The following AQR variants were observed in gnomAD, a reference collection of about 807,000 sequenced individuals.
AQR encodes the protein RNA helicase aquarius.
Under a neutral mutation model 180.5 loss-of-function variants are expected in AQR, and 61 were observed. That is an observed-to-expected ratio of 0.34 (90% CI 0.28 to 0.42). The LOEUF (loss-of-function observed/expected upper bound fraction) is 0.42. Ranked by LOEUF, AQR falls within the 10% of genes least tolerant of loss-of-function variation. AQR has a pLI of 1.00. For missense variants in AQR, 1,281 were observed against 1,798.3 expected (o/e 0.71, Z 5.20); for synonymous variants, 551 against 588.8 (o/e 0.94, Z 0.93).
chr15:34,942,339 C>T (rs1394968281), intron 6 of AQR, among the ~76,000 whole-genome samples: 1 of 152,238 alleles, frequency 6.6e-6, no homozygotes, highest in African/African-American at 2.4e-5. Context: ...TGTGCTTTCA[C>T]AGTCATCCAG....
chr15:34,923,983 A>G (rs536010118), intron 13 of AQR, among the ~76,000 whole-genome samples: 6 of 152,318 alleles, frequency 3.9e-5, no homozygotes, highest in East Asian at 1.9e-4. Context: ...GAATTAAAAT[A>G]TATCTATAGA....
intron 33 of AQR, among the ~76,000 whole-genome samples, chr15:34,860,422 A>G (rs1373568824): frequency 6.6e-6 from 1 of 151,888 alleles, no homozygotes; most frequent in African/African-American, 2.4e-5. Flanking sequence ...AAAAAAAAAA[A>G]GACTTCATGA....
intron 18 of AQR, among the ~76,000 whole-genome samples, chr15:34,905,721 T>C (rs886866485): frequency 3.3e-5 from 5 of 151,482 alleles, no homozygotes; most frequent in Non-Finnish European, 5.9e-5. Flanking sequence ...ACAAAAAAGC[T>C]TGGACAACTG....
chr15:34,965,998 C>T (rs1290399742), intron 1 of AQR, among the ~76,000 whole-genome samples: 1 of 152,180 alleles, frequency 6.6e-6, no homozygotes, highest in Non-Finnish European at 1.5e-5. Flanking sequence ...TCTCCTTTCC[C>T]TTGGGGTCTA....
chr15:34,936,913 G>A (rs535978884), intron 9 of AQR, among the ~76,000 whole-genome samples: 4 of 152,160 alleles, frequency 2.6e-5, no homozygotes, highest in South Asian at 2.1e-4. Context: ...AGCTCAAAGC[G>A]CTCAATGTTA....
At chr15:34,948,901 A>C (rs1002376561) in intron 4 of AQR, among the ~76,000 whole-genome samples, 3 of 152,172 alleles carry the variant, frequency 2.0e-5, no homozygotes, top group Non-Finnish European at 4.4e-5. Context: ...TTGGAGAATG[A>C]CAGTCCTATA....
At chr15:34,923,712 T>C (rs1212284176) in intron 13 of AQR, among the ~76,000 whole-genome samples, 2 of 152,226 alleles carry the variant, frequency 1.3e-5, no homozygotes, top group African/African-American at 4.8e-5. Context: ...CTTGACACAT[T>C]AGTCAAAACT....
intron 4 of AQR, among the ~76,000 whole-genome samples, chr15:34,949,499 C>T (rs1384480314): frequency 6.7e-6 from 1 of 149,396 alleles, no homozygotes; most frequent in Non-Finnish European, 1.5e-5. Context: ...GTCCCAGCTA[C>T]TCAGGAGGCT....
chr15:34,943,125 G>T, intron 6 of AQR: 1 of 1,611,652 alleles, frequency 6.2e-7, no homozygotes, highest in East Asian at 2.2e-5. Context: ...TAAGAAGTGT[G>T]GCAAGCACCA....
At chr15:34,890,370 A>T (rs1469696750) in intron 23 of AQR, 46 bp from the exon 24 acceptor site, 22 of 1,485,088 alleles carry the variant, frequency 1.5e-5, no homozygotes, top group Non-Finnish European at 2.0e-5. Flanking sequence ...AAACGTAGCA[A>T]AAACTAACAT....
At chr15:34,958,682 C>T (rs954685336) in intron 3 of AQR, among the ~76,000 whole-genome samples, 3 of 152,202 alleles carry the variant, frequency 2.0e-5, no homozygotes, top group Non-Finnish European at 4.4e-5. Flanking sequence ...TAAACAATCA[C>T]TTTCCACTGG....
chr15:34,952,904 T>C lies in AQR; in HGVS notation c.190A>G (p.Ile64Val), dbSNP rs1235406906. ...IVKSRFAIRKIMLLEFSQYLE... is the reference protein window; with the variant it reads ...IVKSRFAIRKVMLLEFSQYLE... The stretch of plus-strand genomic sequence containing the variant: ...ACTTACCTAAATTCCAAGAGCATTA[T>C]CTTTCTAATAGCAAACCTGAAAACA... Residue 64 changes from isoleucine (I) to valine (V), a missense_variant, in exon 4 of 35, where the codon ATA becomes GTA. Around this residue, in one of 9 missense-constraint regions of AQR, gnomAD observed 404 missense variants for 490.9 expected, o/e 0.82. Coordinates refer to ENST00000156471, the MANE Select transcript of AQR (RefSeq NM_014691.3). 4 of 1,460,410 alleles carry C rather than the reference T, an allele frequency of 2.7e-6. No individual in the cohort carries two copies. Among genetic ancestry groups the C allele is most frequent in the Non-Finnish European group, 3.8e-6 (4 of 1,060,176 alleles). 90.5% of individuals were successfully genotyped at this position (1,460,410 alleles called of 1,614,324 possible).
intron 18 of AQR, among the ~76,000 whole-genome samples, chr15:34,906,241 C>T (rs533786976): frequency 1.9e-4 from 29 of 151,990 alleles, no homozygotes; most frequent in South Asian, 1.2e-3. Flanking sequence ...CATGGTCGCA[C>T]GTGCCTATGG....
intron 3 of AQR, among the ~76,000 whole-genome samples, chr15:34,953,586 G>C (rs1264341993): frequency 2.6e-5 from 4 of 152,170 alleles, no homozygotes; most frequent in Admixed American, 2.6e-4. Flanking sequence ...CAAAACTTTA[G>C]TGAGAATGAA....
intron 30 of AQR, 93 bp from the exon 31 acceptor site, chr15:34,871,015 A>C: frequency 8.3e-7 from 1 of 1,211,614 alleles, no homozygotes; most frequent in South Asian, 1.6e-5. Flanking sequence ...AAACTTGTTC[A>C]CTTTGCACAC....
chr15:34,893,561 T>A (rs891602405), intron 23 of AQR, 102 bp downstream of exon 23: 26 of 924,138 alleles, frequency 2.8e-5, no homozygotes, highest in African/African-American at 5.0e-5. Flanking sequence ...CACACTTACC[T>A]CCCCCTCAAC....
At chr15:34,863,248 GT>G in intron 32 of AQR, 1 of 463,512 alleles carries the variant, frequency 2.2e-6, no homozygotes, top group Non-Finnish European at 3.8e-6. Flanking sequence ...CCTCTTGTTG[GT>G]TTTTTGAAGG....
chr15:34,932,244 C>A, intron 11 of AQR, 74 bp downstream of exon 11: 1 of 1,272,886 alleles, frequency 7.9e-7, no homozygotes, highest in Admixed American at 1.7e-5. Context: ...CCCTGATACT[C>A]CCAGTTGTGT....
chr15:34,943,367 G>T (rs1449411400), intron 6 of AQR: 1 of 1,448,842 alleles, frequency 6.9e-7, no homozygotes, highest in East Asian at 2.3e-5. Context: ...GAGGAGATAA[G>T]AAGAGAAAGG....
Sources: allele counts gnomAD v4.1 joint callset (sites outside exome capture counted in the v4.1 genomes callset), GRCh38; gene constraint gnomAD v4.1.1; regional missense constraint gnomAD v4.1.1; transcripts MANE v1.5; gene names NCBI Gene and HGNC (gene_info 2026-07-23, HGNC 2026-07-21).